CHL1: variants seen among roughly 807,000 people sequenced by gnomAD.
CHL1 encodes the protein neural cell adhesion molecule L1-like protein.
In CHL1, 96 loss-of-function variants were observed where a neutral mutation model predicts 141.9. That is an observed-to-expected ratio of 0.68 (90% CI 0.57 to 0.80). CHL1 has a LOEUF of 0.80. Among genes scored for constraint, CHL1 ranks in the 30% least tolerant of loss-of-function variants. CHL1 has a pLI of 0.00. For synonymous variants in CHL1, 613 were observed against 502.2 expected (o/e 1.22, Z -2.95); for missense variants, 1,820 against 1,457.2 (o/e 1.25, Z -4.05).
rs1331305336 is a variant in CHL1 at position 303,783 on chromosome 3, G to T, written c.-94-15900G>T. Among the ~76,000 whole-genome samples the T allele has an allele frequency of 6.6e-5, 10 of 152,178 alleles. 1 individual carries two copies. In the East Asian group the frequency reaches 1.2e-3, roughly 18 times the overall value. The stretch of plus-strand genomic sequence containing the variant: ...TATGTTGAATAGGAGTGGTGAGAGA[G>T]GGCATCCTTGTCTTGTGCTGGTTTT... On this transcript the variant is annotated intron_variant, in intron 2 of 27. Transcript: ENST00000256509.
In CHL1 at chr3:350,003, GAA is replaced by G. The variant is rs1703106398; in HGVS notation, c.1033+462_1033+463del. Among the ~76,000 whole-genome samples the G allele has an allele frequency of 2.0e-5, 3 of 152,172 alleles. No individual in the cohort carries two copies. In the South Asian group the frequency reaches 6.2e-4, roughly 31 times the overall value. Reference sequence around the variant, plus strand: ...ACCTCAGGCTCTTCACCAAAGAAGTGAAAGAGGCAGGCAAATTGTTGTGTCAG... The same window carrying G: ...ACCTCAGGCTCTTCACCAAAGAAGTGAGAGGCAGGCAAATTGTTGTGTCAG... On this transcript the variant is annotated intron_variant, in intron 10 of 27. Transcript: ENST00000256509.
At chr3:225,946 T>C (rs1433908967) in intron 1 of CHL1, among the ~76,000 whole-genome samples, 4 of 151,094 alleles carry the variant, frequency 2.6e-5, no homozygotes, top group African/African-American at 4.9e-5. Flanking sequence ...GAGGCGGAGC[T>C]TGCAGTGAGC....
intron 12 of CHL1, among the ~76,000 whole-genome samples, chr3:361,477 C>G (rs948370407): frequency 3.6e-4 from 55 of 151,836 alleles, no homozygotes; most frequent in Non-Finnish European, 5.3e-4. Context: ...ACTCATCTGA[C>G]AAAGGGCTAA....
chr3:354,809 C>A, intron 11 of CHL1, 38 bp downstream of exon 11: 1 of 1,608,726 alleles, frequency 6.2e-7, no homozygotes. Flanking sequence ...ATGCTGAAGG[C>A]CCTGGTTTGA....
At chr3:319,362 C>G (rs532849825) in intron 2 of CHL1, among the ~76,000 whole-genome samples, 5 of 151,688 alleles carry the variant, frequency 3.3e-5, no homozygotes, top group African/African-American at 4.8e-5. Context: ...AAGTTACCTC[C>G]TGAATCTAAA....
rs113790182 is a variant in CHL1 at position 243,410 on chromosome 3, G to A, written c.-174-1203G>A. Among the ~76,000 whole-genome samples the A allele has an allele frequency of 3.3e-3, 497 of 152,258 alleles. 4 individuals are homozygous for A. Among genetic ancestry groups the A allele is most frequent in the African/African-American group, 0.012 (482 of 41,564 alleles). On this transcript the variant is annotated intron_variant, in intron 1 of 27. Coordinates refer to ENST00000256509, the MANE Select transcript of CHL1 (RefSeq NM_006614.4). ...CATATTAAATGCAGTTTCATGCATG[G>A]TTAGTCATCCATAAACATTTCTGCT...
chr3:408,003 C>A lies in CHL1; in HGVS notation c.*2292C>A, dbSNP rs1435584289. ...TGGCAACTACTGGGACTCTTCAGCA[C>A]AAAAGGAATAGATCTATGATTGACC... On this transcript the variant is annotated 3_prime_UTR_variant, in exon 28 of 28. Transcript: ENST00000256509. 6.6e-6 allele frequency: 1 copy of A among 151,942 alleles called. No homozygotes were observed. Among genetic ancestry groups the A allele is most frequent in the Non-Finnish European group, 1.5e-5 (1 of 67,982 alleles). The allele number at this position is 151,942 out of a possible 1,614,324, so 9.4% of individuals were successfully genotyped here.
chr3:378,829 G>C (rs1385131472), intron 16 of CHL1, among the ~76,000 whole-genome samples: 2 of 152,064 alleles, frequency 1.3e-5, no homozygotes, highest in Non-Finnish European at 1.5e-5. Flanking sequence ...AATATTTCAA[G>C]TCTCTCTCAC....
intron 1 of CHL1, among the ~76,000 whole-genome samples, chr3:223,005 A>T (rs189517253): frequency 6.6e-6 from 1 of 152,234 alleles, no homozygotes; most frequent in Admixed American, 6.5e-5. Context: ...TTGTGTAAAG[A>T]CACTTGTTAT....
At chr3:320,700 T>A (rs910897032) in intron 3 of CHL1, among the ~76,000 whole-genome samples, 6 of 151,892 alleles carry the variant, frequency 4.0e-5, no homozygotes, top group East Asian at 1.9e-4. Flanking sequence ...TTTGTTTTTT[T>A]AAAAAAATAA....
At chr3:209,140 G>A (rs1285357719) in intron 1 of CHL1, among the ~76,000 whole-genome samples, 2 of 152,244 alleles carry the variant, frequency 1.3e-5, no homozygotes, top group South Asian at 4.1e-4. Context: ...CTCTTTCTTG[G>A]CAAAAATTCA....
intron 5 of CHL1, among the ~76,000 whole-genome samples, chr3:333,550 T>C (rs1038557953): frequency 2.6e-4 from 40 of 152,170 alleles, no homozygotes; most frequent in African/African-American, 8.9e-4. Context: ...ATGTACCATT[T>C]TTATATACAC....
chr3:389,535 A>T (rs1575266370), intron 20 of CHL1, 61 bp downstream of exon 20: 1 of 1,265,246 alleles, frequency 7.9e-7, no homozygotes, highest in East Asian at 2.3e-5. Context: ...AATATATTGT[A>T]CTTCAATCAA....
chr3:344,580 A>G lies in CHL1; in HGVS notation c.728-9A>G. On this transcript the variant is annotated splice_polypyrimidine_tract_variant and intron_variant, in intron 8 of 27. Coordinates refer to ENST00000256509, the MANE Select transcript of CHL1 (RefSeq NM_006614.4). ...GAAAAAATTCTGACTTTTCTTTTCT[A>G]TTTTGTAGCAAATTCCATCAAGCAA... 2 of 1,603,188 alleles carry G rather than the reference A, an allele frequency of 1.2e-6. No individual in the cohort carries two copies. Among genetic ancestry groups the G allele is most frequent in the South Asian group, 2.2e-5 (2 of 88,910 alleles).
intron 2 of CHL1, among the ~76,000 whole-genome samples, chr3:250,677 C>T (rs774769713): frequency 6.6e-6 from 1 of 152,032 alleles, no homozygotes; most frequent in Non-Finnish European, 1.5e-5. Flanking sequence ...TCAAAGTAAA[C>T]CTTATTGCCA....
intron 1 of CHL1, among the ~76,000 whole-genome samples, chr3:212,202 A>G (rs1433661845): frequency 6.6e-6 from 1 of 152,076 alleles, no homozygotes; most frequent in Non-Finnish European, 1.5e-5. Flanking sequence ...ACGAGTTTGC[A>G]TTAAAAAAAA....
At chr3:225,686 A>T (rs1460770321) in intron 1 of CHL1, among the ~76,000 whole-genome samples, 1 of 152,174 alleles carries the variant, frequency 6.6e-6, no homozygotes, top group Non-Finnish European at 1.5e-5. Flanking sequence ...GTACTCTTCT[A>T]GATATGTAAA....
chr3:293,339 T>C (rs1697876698), intron 2 of CHL1, among the ~76,000 whole-genome samples: 1 of 151,940 alleles, frequency 6.6e-6, no homozygotes, highest in Admixed American at 6.6e-5. Context: ...TTGTCTCTAC[T>C]AAAAATACAA....
chr3:382,899 AC>A (rs1009427786), intron 18 of CHL1, among the ~76,000 whole-genome samples: 2 of 152,310 alleles, frequency 1.3e-5, no homozygotes, highest in African/African-American at 2.4e-5. Context: ...TGAAAAAAAA[AC>A]ATTACTTTCA....
Sources: allele counts gnomAD v4.1 joint callset (sites outside exome capture counted in the v4.1 genomes callset), GRCh38; gene constraint gnomAD v4.1.1; transcripts MANE v1.5; gene names NCBI Gene and HGNC (gene_info 2026-07-23, HGNC 2026-07-21).